The following TNIP3 variants were observed in gnomAD, a reference collection of about 807,000 sequenced individuals.
TNIP3 encodes the protein TNFAIP3 interacting protein 3, also known as TNFAIP3-interacting protein 3.
In TNIP3, 34 loss-of-function variants were observed where a neutral mutation model predicts 54.1. That is an observed-to-expected ratio of 0.63 (90% CI 0.48 to 0.84). TNIP3 has a LOEUF of 0.84. Among genes scored for constraint, TNIP3 ranks in the 40% least tolerant of loss-of-function variants. The probability of loss-of-function intolerance (pLI) is 0.00; values close to 1 mark genes in which losing one functional copy is unlikely to be tolerated. For missense variants in TNIP3, 366 were observed against 387.6 expected (o/e 0.94, Z 0.47); for synonymous variants, 134 against 136.8 (o/e 0.98, Z 0.14).
chr4:121,208,453 A>C (rs370595103), intron 2 of TNIP3, among the ~76,000 whole-genome samples: 145 of 152,260 alleles, frequency 9.5e-4, no homozygotes, highest in African/African-American at 3.3e-3. Context: ...GGGCAGCTTC[A>C]AATCTGTATG....
At chr4:121,194,388 T>C (rs13101385) in intron 2 of TNIP3, among the ~76,000 whole-genome samples, 36,090 of 152,108 alleles carry the variant, frequency 0.24, 4,519 homozygotes, top group African/African-American at 0.29. Flanking sequence ...GATCTTAAAA[T>C]TATCTTTTGC....
chr4:121,139,949 C>T (rs1579369952), intron 9 of TNIP3, among the ~76,000 whole-genome samples: 1 of 152,298 alleles, frequency 6.6e-6, no homozygotes, highest in Non-Finnish European at 1.5e-5. Context: ...AGACAAGAAA[C>T]ATGAAATATT....
At chr4:121,200,018 C>A (rs147865997) in intron 2 of TNIP3, among the ~76,000 whole-genome samples, 11 of 152,266 alleles carry the variant, frequency 7.2e-5, no homozygotes, top group Middle Eastern at 3.4e-3. Flanking sequence ...CTGGGAACTG[C>A]ATCCCCTCAA....
chr4:121,193,962 G>A (rs566904968), intron 2 of TNIP3, among the ~76,000 whole-genome samples: 7 of 152,090 alleles, frequency 4.6e-5, no homozygotes, highest in Non-Finnish European at 1.0e-4. Context: ...AGCCAAGACT[G>A]AGAAACTGAC....
upstream of TNIP3, among the ~76,000 whole-genome samples, chr4:121,165,666 T>TGTGC (rs2148818082): frequency 6.6e-6 from 1 of 151,500 alleles, no homozygotes; most frequent in African/African-American, 2.4e-5. Flanking sequence ...AGTTTGTGTG[T>TGTGC]GTGTGTGTGT....
At chr4:121,142,888 A>T in intron 7 of TNIP3, 112 bp from the exon 8 acceptor site, 1 of 816,600 alleles carries the variant, frequency 1.2e-6, no homozygotes, top group Non-Finnish European at 1.9e-6. Flanking sequence ...TACCAACAAA[A>T]ATAGCCACAA....
Position 121,132,252 on chromosome 4 carries a change from A to T in TNIP3, c.*379T>A. 1 of 209,424 alleles carries T rather than the reference A, an allele frequency of 4.8e-6. No homozygotes were observed. The highest frequency in any genetic ancestry group is 9.9e-5 in the South Asian group (1 of 10,090). 13.0% of individuals were successfully genotyped at this position (209,424 alleles called of 1,614,324 possible). On this transcript the variant is annotated 3_prime_UTR_variant, in exon 11 of 11. Transcript: ENST00000057513. ...CACACACACACACACACACACACAC[A>T]TATGCACTTTAAATCAACATACAAT...
At chr4:121,225,089 G>T (rs565154633) in intron 1 of TNIP3, among the ~76,000 whole-genome samples, 7 of 152,154 alleles carry the variant, frequency 4.6e-5, no homozygotes, top group Admixed American at 3.9e-4. Flanking sequence ...TAACTATACT[G>T]CTTAAGACTA....
At chr4:121,194,137 G>T (rs977123858) in intron 2 of TNIP3, among the ~76,000 whole-genome samples, 7 of 152,044 alleles carry the variant, frequency 4.6e-5, no homozygotes, top group African/African-American at 1.7e-4. Flanking sequence ...GATTTTGATG[G>T]TTATCTTGTG....
At chr4:121,176,059 C>G (rs1297086601) in intron 3 of TNIP3, among the ~76,000 whole-genome samples, 1 of 152,220 alleles carries the variant, frequency 6.6e-6, no homozygotes, top group Non-Finnish European at 1.5e-5. Flanking sequence ...ACCATGGGAT[C>G]AAATTAACTC....
chr4:121,190,358 T>G (rs1725242894), intron 2 of TNIP3, among the ~76,000 whole-genome samples: 1 of 152,180 alleles, frequency 6.6e-6, no homozygotes, highest in Admixed American at 6.5e-5. Flanking sequence ...ATCATTGTAT[T>G]TTTCAGAGCC....
Position 121,138,697 on chromosome 4 carries a change from A to G in TNIP3, c.886-13T>C. 7 of 1,611,240 alleles carry G rather than the reference A, an allele frequency of 4.3e-6. No individual in the cohort carries two copies. The highest frequency in any genetic ancestry group is 5.9e-6 in the Non-Finnish European group (7 of 1,177,412). The stretch of plus-strand genomic sequence containing the variant: ...ACTGATAGTCTGGCTGTGTGGAACA[A>G]TACAACATTATTATAGCAATATGGA... On this transcript the variant is annotated splice_polypyrimidine_tract_variant and intron_variant, in intron 9 of 10. Coordinates refer to ENST00000057513, the MANE Select transcript of TNIP3 (RefSeq NM_024873.6).
intron 2 of TNIP3, among the ~76,000 whole-genome samples, chr4:121,204,976 T>C (rs1726102013): frequency 6.6e-6 from 1 of 152,242 alleles, no homozygotes; most frequent in South Asian, 2.1e-4. Flanking sequence ...TTCATTTGCT[T>C]TTCTCTTCCG....
chr4:121,163,863 G>A (rs985250497), intron 1 of TNIP3, among the ~76,000 whole-genome samples, 197 bp downstream of exon 1: 5 of 152,134 alleles, frequency 3.3e-5, no homozygotes, highest in African/African-American at 9.7e-5. Context: ...TTTAAGCCCC[G>A]TGGGTTAAAA....
At position 121,132,632 on chromosome 4, in the gene TNIP3, T is replaced by A. The variant is rs746215051; in HGVS notation, c.977A>T (p.Ter326LeuextTer25). ...GLSSVKKVHP* is the reference protein window; with the variant it reads ...GLSSVKKVHPL The stretch of plus-strand genomic sequence containing the variant: ...GTCTCTCTCTGTTAGTGTGTACTTC[T>A]ACGGATGGACTTTCTTTACTGAGGA... The change falls in exon 11 of 11, where the codon TAG (stop) becomes TTG (leucine). Residue 326 changes from the stop codon to leucine, a stop_lost. Transcript: ENST00000057513. The A allele has an allele frequency of 1.6e-5, 26 of 1,613,216 alleles. No homozygotes were observed. Among genetic ancestry groups the A allele is most frequent in the Non-Finnish European group, 2.0e-5 (24 of 1,179,256 alleles).
intron 3 of TNIP3, among the ~76,000 whole-genome samples, chr4:121,180,079 G>A (rs1388513389): frequency 6.6e-6 from 1 of 151,908 alleles, no homozygotes; most frequent in Non-Finnish European, 1.5e-5. Flanking sequence ...AAGCGGGGAG[G>A]GGTGGTGAGG....
At chr4:121,216,531 C>T in intron 1 of TNIP3, 2 of 1,534,720 alleles carry the variant, frequency 1.3e-6, no homozygotes, top group Non-Finnish European at 1.7e-6. Flanking sequence ...GGACATGAGG[C>T]TCAGATGTAC....
intron 3 of TNIP3, among the ~76,000 whole-genome samples, chr4:121,179,333 T>A (rs994784637): frequency 6.6e-6 from 1 of 152,218 alleles, no homozygotes; most frequent in African/African-American, 2.4e-5. Flanking sequence ...ATTCCTCATC[T>A]GGAAAATGTG....
chr4:121,136,162 T>C (rs1400959545), intron 10 of TNIP3, among the ~76,000 whole-genome samples: 3 of 152,212 alleles, frequency 2.0e-5, no homozygotes, highest in African/African-American at 7.2e-5. Context: ...ATTACACACT[T>C]AATCTTACAT....
Sources: gnomAD v4.1 joint callset for allele counts (sites outside exome capture counted in the v4.1 genomes callset) on GRCh38, gnomAD v4.1.1 for gene constraint, MANE v1.5 for transcripts, NCBI Gene and HGNC (gene_info 2026-07-23, HGNC 2026-07-21) for gene names.